DENND1A: variants seen among roughly 807,000 people sequenced by gnomAD.
DENND1A encodes DENN domain-containing protein 1A.
A neutral mutation model predicts 113.7 loss-of-function variants in DENND1A; 51 were observed. That is an observed-to-expected ratio of 0.45 (90% CI 0.36 to 0.57). DENND1A has a LOEUF of 0.57. Among genes scored for constraint, DENND1A ranks in the 20% least tolerant of loss-of-function variants. The pLI is 0.00. For missense variants in DENND1A, 1,258 were observed against 1,395.9 expected (o/e 0.90, Z 1.57); for synonymous variants, 565 against 570.8 (o/e 0.99, Z 0.14).
At chr9:123,825,517 A>C (rs1460425500) in intron 2 of DENND1A, among the ~76,000 whole-genome samples, 1 of 152,176 alleles carries the variant, frequency 6.6e-6, no homozygotes, top group African/African-American at 2.4e-5. Flanking sequence ...CAGGTGTCCA[A>C]TCCTACCACC....
intron 8 of DENND1A, among the ~76,000 whole-genome samples, chr9:123,654,287 A>T (rs894394823): frequency 6.6e-6 from 1 of 152,214 alleles, no homozygotes; most frequent in Non-Finnish European, 1.5e-5. Context: ...GAGAGGATGG[A>T]AGTAAAAAGA....
At chr9:123,602,738 C>T (rs1413929288) in intron 11 of DENND1A, among the ~76,000 whole-genome samples, 1 of 152,196 alleles carries the variant, frequency 6.6e-6, no homozygotes, top group African/African-American at 2.4e-5. Flanking sequence ...AATTATGGCT[C>T]ACTGCAGCCT....
chr9:123,431,751 C>A (rs2046148093), intron 19 of DENND1A, among the ~76,000 whole-genome samples: 3 of 152,182 alleles, frequency 2.0e-5, no homozygotes. Flanking sequence ...CCCTCCAGGT[C>A]TCAGTGTGGA....
chr9:123,895,326 A>T (rs1850561472), intron 1 of DENND1A, among the ~76,000 whole-genome samples: 1 of 152,146 alleles, frequency 6.6e-6, no homozygotes, highest in African/African-American at 2.4e-5. Flanking sequence ...TTGCAAGAAA[A>T]TAACAAAGAT....
chr9:123,602,355 T>C lies in DENND1A; in HGVS notation c.765+7081A>G, dbSNP rs115439119. On this transcript the variant is annotated intron_variant, in intron 11 of 23. Coordinates refer to ENST00000394215, the MANE Select transcript of DENND1A (RefSeq NM_001352964.2). ...AATACCATATTGGCTTTTTAATTTA[T>C]ATTCTTTCATATATTTTTTTCCAAA... Among the ~76,000 whole-genome samples, 488 of 152,346 alleles carry C rather than the reference T, an allele frequency of 3.2e-3. 4 individuals carry two copies. Among genetic ancestry groups the C allele is most frequent in the African/African-American group, 0.011 (468 of 41,566 alleles).
intron 1 of DENND1A, among the ~76,000 whole-genome samples, chr9:123,903,051 G>A (rs1166372427): frequency 6.6e-6 from 1 of 152,068 alleles, no homozygotes; most frequent in Non-Finnish European, 1.5e-5. Flanking sequence ...ACTGGAAAAA[G>A]GCCGGGCGCG....
chr9:123,382,135 C>T lies in DENND1A; in HGVS notation c.2510G>A (p.Gly837Asp). 1.9e-6 allele frequency: 3 copies of T among 1,591,940 alleles called. No individual in the cohort carries two copies. The highest frequency in any genetic ancestry group is 2.3e-5 in the South Asian group (2 of 88,526). The change falls in exon 24 of 24, where the codon GGC becomes GAC. Residue 837 changes from glycine (G) to aspartate (D), a missense_variant. Around this residue, in one of 2 missense-constraint regions of DENND1A, gnomAD observed 1,159 missense variants for 1,231.7 expected, o/e 0.94. Coordinates refer to ENST00000394215, the MANE Select transcript of DENND1A (RefSeq NM_001352964.2). ...GGCGAGCAGGGCGTCACTGCTCGTG[C>T]CTGCAGCCCCGGGGCCAGGGCTGAG... Reference protein sequence around the residue: ...QPLSPGPGAAGTSSDALLALL... With the variant: ...QPLSPGPGAADTSSDALLALL...
chr9:123,485,440 C>G (rs1427400673), intron 13 of DENND1A: 6 of 152,188 alleles, frequency 3.9e-5, no homozygotes, highest in Admixed American at 6.5e-5. Context: ...GGGGTAGGGG[C>G]TGGCATCAGC....
At chr9:123,855,828 G>A (rs542526151) in intron 2 of DENND1A, among the ~76,000 whole-genome samples, 94 of 152,056 alleles carry the variant, frequency 6.2e-4, no homozygotes, top group African/African-American at 2.2e-3. Context: ...ACCTGAGGTC[G>A]GGAGTTCAAG....
chr9:123,499,798 T>A (rs531101568), intron 13 of DENND1A, among the ~76,000 whole-genome samples: 1 of 152,348 alleles, frequency 6.6e-6, no homozygotes, highest in South Asian at 2.1e-4. Context: ...CTCTGCTGGC[T>A]GAGCTGGCTG....
chr9:123,730,988 T>A (rs1217495510), intron 5 of DENND1A, among the ~76,000 whole-genome samples: 1 of 152,110 alleles, frequency 6.6e-6, no homozygotes, highest in African/African-American at 2.4e-5. Context: ...ACCATCATTC[T>A]CGGCAAACTA....
intron 13 of DENND1A, among the ~76,000 whole-genome samples, chr9:123,500,851 C>CTTA (rs1461139080): frequency 6.6e-6 from 1 of 152,230 alleles, no homozygotes; most frequent in African/African-American, 2.4e-5. Context: ...GTGGGCTCAA[C>CTTA]TTAGCTCAGA....
intron 5 of DENND1A, among the ~76,000 whole-genome samples, chr9:123,754,162 G>C (rs2070319555): frequency 6.6e-6 from 1 of 152,172 alleles, no homozygotes; most frequent in South Asian, 2.1e-4. Context: ...GTTAACTAAA[G>C]AGAAAGTATC....
intron 1 of DENND1A, among the ~76,000 whole-genome samples, chr9:123,903,784 G>A (rs1852199040): frequency 2.0e-5 from 3 of 152,160 alleles, no homozygotes; most frequent in Non-Finnish European, 2.9e-5. Context: ...AGGCGGCAGC[G>A]AGGCTGGGGG....
chr9:123,471,047 C>T (rs1156832755), intron 13 of DENND1A, among the ~76,000 whole-genome samples: 5 of 152,084 alleles, frequency 3.3e-5, no homozygotes, highest in South Asian at 2.1e-4. Context: ...TTTCTTCCTC[C>T]GTAAAATGGG....
chr9:123,808,388 T>C (rs1269992679), intron 2 of DENND1A, among the ~76,000 whole-genome samples: 7 of 151,728 alleles, frequency 4.6e-5, no homozygotes, highest in Non-Finnish European at 8.8e-5. Flanking sequence ...AATTTGCTTT[T>C]TTTTTTTTTT....
intron 13 of DENND1A, among the ~76,000 whole-genome samples, chr9:123,501,163 A>G (rs1402827790): frequency 2.0e-5 from 3 of 152,172 alleles, no homozygotes; most frequent in Non-Finnish European, 2.9e-5. Flanking sequence ...GATTTTGACT[A>G]CGTTCCTCGT....
At chr9:123,471,325 C>T (rs530062015) in intron 13 of DENND1A, among the ~76,000 whole-genome samples, 1 of 152,282 alleles carries the variant, frequency 6.6e-6, no homozygotes, top group Non-Finnish European at 1.5e-5. Flanking sequence ...TCCTACTTCA[C>T]AGGGCTGTGT....
chr9:123,793,484 T>C (rs1257145898), intron 2 of DENND1A, among the ~76,000 whole-genome samples: 1 of 152,210 alleles, frequency 6.6e-6, no homozygotes, highest in African/African-American at 2.4e-5. Flanking sequence ...CTTTGAGACA[T>C]GTTAAGGGAA....
Sources: gnomAD v4.1 joint callset for allele counts (sites outside exome capture counted in the v4.1 genomes callset) on GRCh38, gnomAD v4.1.1 for gene constraint, gnomAD v4.1.1 regional missense constraint, MANE v1.5 for transcripts, NCBI Gene and HGNC (gene_info 2026-07-23, HGNC 2026-07-21) for gene names.